Variants in BCR observed in about 807,000 individuals in gnomAD.
BCR encodes BCR activator of RhoGEF and GTPase, also known as breakpoint cluster region protein.
Under a neutral mutation model 138.6 loss-of-function variants are expected in BCR, and 58 were observed. The observed-to-expected ratio is 0.42, with a 90% CI of 0.34 to 0.52. The LOEUF is 0.52. Ranked by LOEUF, BCR falls within the 20% of genes least tolerant of loss-of-function variation. The pLI is 0.06. For missense variants in BCR, 1,599 were observed against 1,727.2 expected (o/e 0.93, Z 1.32); for synonymous variants, 786 against 730.1 (o/e 1.08, Z -1.23).
intron 9 of BCR, 111 bp from the exon 10 acceptor site, chr22:23,284,922 C>G (rs2073693144): frequency 8.1e-7 from 1 of 1,236,484 alleles, no homozygotes; most frequent in Non-Finnish European, 1.1e-6. Flanking sequence ...GGTTTTAGGT[C>G]AGGTAAACCA....
intron 18 of BCR, 101 bp from the exon 19 acceptor site, chr22:23,311,596 G>A (rs746537956): frequency 2.4e-5 from 24 of 1,000,412 alleles, no homozygotes; most frequent in Admixed American, 8.4e-5. Context: ...CTTCGTCACC[G>A]TCCTCACCCC....
intron 4 of BCR, chr22:23,262,999 G>A: frequency 1.2e-6 from 1 of 849,350 alleles, no homozygotes; most frequent in Non-Finnish European, 1.6e-6. Context: ...GTAGGGGCCG[G>A]GAAAGAGGCA....
intron 16 of BCR, among the ~76,000 whole-genome samples, chr22:23,299,384 G>C (rs1382278194): frequency 6.6e-6 from 1 of 152,042 alleles, no homozygotes; most frequent in Non-Finnish European, 1.5e-5. Flanking sequence ...GCACATCACA[G>C]ACCCCCCTGC....
intron 8 of BCR, among the ~76,000 whole-genome samples, chr22:23,280,153 G>A (rs2073626985): frequency 6.6e-6 from 1 of 152,218 alleles, no homozygotes; most frequent in South Asian, 2.1e-4. Flanking sequence ...TTCTGAGGGG[G>A]ACAGAAACTT....
chr22:23,242,423 A>G (rs2073104073), intron 1 of BCR, among the ~76,000 whole-genome samples: 2 of 152,332 alleles, frequency 1.3e-5, no homozygotes, highest in South Asian at 2.1e-4. Context: ...TGCTGAGTAT[A>G]GCAAGAAACA....
At chr22:23,270,489 T>G (rs1344231877) in intron 5 of BCR, among the ~76,000 whole-genome samples, 2 of 152,184 alleles carry the variant, frequency 1.3e-5, no homozygotes, top group Non-Finnish European at 2.9e-5. Flanking sequence ...ACCTGGTTTT[T>G]GCAGTCTTTT....
intron 14 of BCR, among the ~76,000 whole-genome samples, chr22:23,291,326 T>A (rs2073784437): frequency 6.6e-6 from 1 of 151,970 alleles, no homozygotes. Flanking sequence ...CAAGGGGGAC[T>A]TTTTAGGTGA....
At position 23,312,883 on chromosome 22, in the gene BCR, C is replaced by A. The variant is rs200797755; in HGVS notation, c.3323-4C>A. ...AGGCCGCTGCATTTCCGTGCTCTTT[C>A]CAGATAACAAGGACGTGTCGGTGAT... On this transcript the variant is annotated splice_polypyrimidine_tract_variant and splice_region_variant and intron_variant, in intron 19 of 22. Coordinates refer to ENST00000305877, the MANE Select transcript of BCR (RefSeq NM_004327.4). The A allele has an allele frequency of 1.0e-5, 16 of 1,595,982 alleles. No individual in the cohort carries two copies. In the Admixed American group the frequency reaches 2.5e-4, roughly 25 times the overall value.
At chr22:23,282,368 C>T (rs866817717) in intron 8 of BCR, among the ~76,000 whole-genome samples, 13 of 152,342 alleles carry the variant, frequency 8.5e-5, no homozygotes, top group Middle Eastern at 3.4e-3. Flanking sequence ...GGCCTTGGCA[C>T]GCCGGCAGCC....
rs747172476 is a variant in BCR, at chr22:23,287,284, C to T, written c.2526+6C>T. ...TGCACAGCCGCAACGGCAAGGTGAG[C>T]GCCTGCTGTTCCGGCCCCTCCTGCT... On this transcript the variant is annotated splice_donor_region_variant and intron_variant, in intron 11 of 22. Coordinates refer to ENST00000305877, the MANE Select transcript of BCR (RefSeq NM_004327.4). 5.5e-5 allele frequency: 85 copies of T among 1,537,260 alleles called. No individual in the cohort carries two copies. The highest frequency in any genetic ancestry group is 1.4e-4 in the South Asian group (11 of 81,056).
chr22:23,279,718 T>C (rs1485895249), intron 8 of BCR, among the ~76,000 whole-genome samples: 6 of 152,260 alleles, frequency 3.9e-5, no homozygotes, highest in Non-Finnish European at 7.3e-5. Context: ...TGCTGATTTG[T>C]TGATGATCAG....
At chr22:23,217,590 G>A (rs867087190) in intron 1 of BCR, among the ~76,000 whole-genome samples, 7 of 152,212 alleles carry the variant, frequency 4.6e-5, no homozygotes, top group African/African-American at 1.4e-4. Context: ...GAACCCTGGT[G>A]TCCAAGGACA....
At chr22:23,293,923 T>G (rs1952979302) in intron 15 of BCR, among the ~76,000 whole-genome samples, 1 of 152,148 alleles carries the variant, frequency 6.6e-6, no homozygotes, top group African/African-American at 2.4e-5. Flanking sequence ...AAGCGCAGAT[T>G]CACCAACAGC....
intron 19 of BCR, 150 bp from the exon 20 acceptor site, chr22:23,312,737 C>A (rs1178960252): frequency 1.5e-6 from 1 of 658,978 alleles, no homozygotes; most frequent in East Asian, 2.6e-5. Context: ...ATGCACAGCT[C>A]TTGGGAGGAG....
intron 1 of BCR, among the ~76,000 whole-genome samples, chr22:23,232,678 C>T (rs1466897376): frequency 6.6e-6 from 1 of 152,230 alleles, no homozygotes; most frequent in Non-Finnish European, 1.5e-5. Context: ...ATCAGCGAGC[C>T]TACCTGCTGC....
At chr22:23,227,825 G>A (rs1051701298) in intron 1 of BCR, among the ~76,000 whole-genome samples, 1 of 152,172 alleles carries the variant, frequency 6.6e-6, no homozygotes, top group Non-Finnish European at 1.5e-5. Flanking sequence ...CATGTTGTGA[G>A]GTCCTTGTGC....
At chr22:23,258,161 T>C (rs552407280) in intron 2 of BCR, among the ~76,000 whole-genome samples, 20 of 152,270 alleles carry the variant, frequency 1.3e-4, no homozygotes, top group Non-Finnish European at 2.5e-4. Flanking sequence ...TGCATATATA[T>C]ACACACATAT....
At chr22:23,231,254 T>G (rs942049207) in intron 1 of BCR, among the ~76,000 whole-genome samples, 2 of 152,084 alleles carry the variant, frequency 1.3e-5, no homozygotes, top group African/African-American at 4.8e-5. Context: ...TTGCTCGTAA[T>G]CCCAGTGTTT....
At chr22:23,234,018 T>G (rs1382210927) in intron 1 of BCR, among the ~76,000 whole-genome samples, 1 of 151,872 alleles carries the variant, frequency 6.6e-6, no homozygotes, top group Middle Eastern at 3.2e-3. Flanking sequence ...CTGTATACCC[T>G]GCAGATGTGA....
Sources: allele counts gnomAD v4.1 joint callset (sites outside exome capture counted in the v4.1 genomes callset), GRCh38; gene constraint gnomAD v4.1.1; transcripts MANE v1.5; gene names NCBI Gene and HGNC (gene_info 2026-07-23, HGNC 2026-07-21).